GPC3: variants seen among roughly 807,000 people sequenced by gnomAD.
GPC3 encodes the protein glypican 3.
In GPC3, 3 loss-of-function variants were observed where a neutral mutation model predicts 34.4. The observed-to-expected ratio is 0.09, with a 90% CI of 0.04 to 0.23. The LOEUF is 0.23. Ranked by LOEUF, GPC3 falls within the 10% of genes least tolerant of loss-of-function variation. The probability of loss-of-function intolerance (pLI) is 1.00; values close to 1 mark genes in which losing one functional copy is unlikely to be tolerated. For missense variants in GPC3, 351 were observed against 445.6 expected, an observed-to-expected ratio of 0.79 and a Z score of 1.91; for synonymous variants, 177 against 174.0, an observed-to-expected ratio of 1.02 and a Z score of -0.13.
intron 2 of GPC3, among the ~76,000 whole-genome samples, chrX:133,888,676 G>A (rs1407940068): frequency 2.7e-5 from 3 of 112,345 alleles, no homozygotes; most frequent in African/African-American, 9.7e-5. Flanking sequence ...AATGACCAGT[G>A]ATGATGAGCA....
intron 3 of GPC3, among the ~76,000 whole-genome samples, chrX:133,738,481 A>G (rs770003444): frequency 2.7e-5 from 3 of 112,364 alleles, no homozygotes; most frequent in Non-Finnish European, 5.6e-5. Context: ...AAAGGAAAAT[A>G]TCTAAAACAA....
chrX:133,679,578 T>A (rs149540807), intron 5 of GPC3, among the ~76,000 whole-genome samples: 1,497 of 111,240 alleles, frequency 0.013, 23 homozygotes, highest in African/African-American at 0.045. Context: ...GTATAGAGAG[T>A]TTACTCTATG....
At chrX:133,657,568 T>C (rs1015086617) in intron 6 of GPC3, among the ~76,000 whole-genome samples, 6 of 111,270 alleles carry the variant, frequency 5.4e-5, no homozygotes, top group Admixed American at 9.6e-5. Flanking sequence ...AAAAAGGTCC[T>C]CATTTCTGAT....
At chrX:133,782,490 C>A (rs1312762889) in intron 2 of GPC3, among the ~76,000 whole-genome samples, 1 of 111,896 alleles carries the variant, frequency 8.9e-6, no homozygotes, top group Non-Finnish European at 1.9e-5. Context: ...GAAGCACTCA[C>A]CTCTCAGTGT....
At chrX:133,927,620 G>A (rs367783619) in intron 2 of GPC3, among the ~76,000 whole-genome samples, 2 of 109,145 alleles carry the variant, frequency 1.8e-5, no homozygotes, top group African/African-American at 3.3e-5. Context: ...TGGGACTACA[G>A]GTGTGCACCA....
rs1475728040 is a variant in GPC3 at position 133,692,299 on chromosome X, T to C, written c.1292+70A>G. 44 of 1,070,750 alleles carry C rather than the reference T, an allele frequency of 4.1e-5. No individual in the cohort carries two copies. Among genetic ancestry groups the C allele is most frequent in the Non-Finnish European group, 5.5e-5 (42 of 769,180 alleles). The allele number at this position is 1,070,750 out of a possible 1,213,427, so 88.2% of individuals were successfully genotyped here. On this transcript the variant is annotated intron_variant, in intron 5 of 7. Transcript: ENST00000370818. ...CAATTAATGGAGATAGAAGACATAATTAACTTTTATATAAACATATGACAA... is the reference window on the plus strand; with the variant it reads ...CAATTAATGGAGATAGAAGACATAACTAACTTTTATATAAACATATGACAA...
At chrX:133,545,529 T>A (rs2069375959) in intron 7 of GPC3, among the ~76,000 whole-genome samples, 1 of 110,242 alleles carries the variant, frequency 9.1e-6, no homozygotes, top group Non-Finnish European at 1.9e-5. Flanking sequence ...AAGACAGTGA[T>A]TAGTGAGTTA....
At chrX:133,785,872 T>G (rs747474803) in intron 2 of GPC3, among the ~76,000 whole-genome samples, 12 of 112,255 alleles carry the variant, frequency 1.1e-4, no homozygotes, top group Non-Finnish European at 2.1e-4. Context: ...AAGAATACTA[T>G]AGTCCGTGAA....
chrX:133,639,948 C>T (rs767895544), intron 6 of GPC3, among the ~76,000 whole-genome samples: 93 of 111,112 alleles, frequency 8.4e-4, no homozygotes, highest in African/African-American at 2.9e-3. Context: ...TGGAATCTGA[C>T]ACCGGCCCCC....
intron 6 of GPC3, among the ~76,000 whole-genome samples, chrX:133,606,227 T>C (rs2070049674): frequency 8.9e-6 from 1 of 111,811 alleles, no homozygotes; most frequent in Non-Finnish European, 1.9e-5. Flanking sequence ...TTCTCTGTAG[T>C]TCTAAGAAAC....
At chrX:133,719,297 T>C (rs1343129530) in intron 3 of GPC3, among the ~76,000 whole-genome samples, 1 of 111,961 alleles carries the variant, frequency 8.9e-6, no homozygotes, top group Non-Finnish European at 1.9e-5. Context: ...AATTCACAAA[T>C]ATGTGGAAAT....
At chrX:133,593,593 C>T (rs1363417934) in intron 7 of GPC3, among the ~76,000 whole-genome samples, 1 of 109,728 alleles carries the variant, frequency 9.1e-6, no homozygotes, top group Non-Finnish European at 1.9e-5. Context: ...AGCTGAGCTG[C>T]GGAGAAAGTA....
intron 6 of GPC3, among the ~76,000 whole-genome samples, chrX:133,658,001 A>T (rs1404611623): frequency 9.0e-6 from 1 of 111,040 alleles, no homozygotes; most frequent in Non-Finnish European, 1.9e-5. Flanking sequence ...TAATAGATGC[A>T]GCACCGAGCA....
chrX:133,732,449 T>C (rs183181851), intron 3 of GPC3, among the ~76,000 whole-genome samples: 1 of 111,440 alleles, frequency 9.0e-6, no homozygotes, highest in African/African-American at 3.3e-5. Flanking sequence ...ACAAACAGGA[T>C]AGGCATGGAA....
intron 1 of GPC3, among the ~76,000 whole-genome samples, chrX:133,960,697 A>T (rs1217613846): frequency 4.7e-5 from 5 of 105,850 alleles, no homozygotes; most frequent in African/African-American, 1.7e-4. Flanking sequence ...ATGGCAGATT[A>T]TTTTTTTTTT....
chrX:133,958,406 C>A (rs1315884705), intron 1 of GPC3, among the ~76,000 whole-genome samples: 2 of 107,722 alleles, frequency 1.9e-5, no homozygotes, highest in African/African-American at 6.8e-5. Flanking sequence ...TGTAACTAGG[C>A]ATGGTAGTGC....
At chrX:133,596,354 G>T in intron 7 of GPC3, 86 bp downstream of exon 7, 1 of 794,137 alleles carries the variant, frequency 1.3e-6, no homozygotes, top group Non-Finnish European at 1.9e-6. Flanking sequence ...GAATGTAAGG[G>T]AATTGCAGAC....
intron 2 of GPC3, among the ~76,000 whole-genome samples, chrX:133,850,136 T>C (rs1258348343): frequency 9.1e-6 from 1 of 110,033 alleles, no homozygotes; most frequent in East Asian, 2.8e-4. Flanking sequence ...TCATTAGATA[T>C]GTTCATCTTT....
chrX:133,588,179 C>A (rs940726097), intron 7 of GPC3, among the ~76,000 whole-genome samples: 1 of 111,078 alleles, frequency 9.0e-6, no homozygotes, highest in African/African-American at 3.3e-5. Context: ...CTACAACTTA[C>A]GTGACAAAGA....
Sources: allele counts gnomAD v4.1 joint callset (sites outside exome capture counted in the v4.1 genomes callset), GRCh38; gene constraint gnomAD v4.1.1; transcripts MANE v1.5; gene names NCBI Gene and HGNC (gene_info 2026-07-23, HGNC 2026-07-21).